Variants in MAEL observed in about 807,000 individuals in gnomAD.
The protein encoded by MAEL is maelstrom spermatogenic transposon silencer, also known as protein maelstrom homolog.
MAEL carries 46 observed loss-of-function variants against 62.0 expected under a neutral mutation model. The observed-to-expected ratio is 0.74, with a 90% confidence interval of 0.59 to 0.95. The LOEUF (loss-of-function observed/expected upper bound fraction) is 0.95. Ranked by LOEUF, MAEL falls within the 40% of genes least tolerant of loss-of-function variation. The pLI is 0.00. For synonymous variants in MAEL, 172 were observed against 175.5 expected, an observed-to-expected ratio of 0.98 and a Z score of 0.16; for missense variants, 497 against 526.8, an observed-to-expected ratio of 0.94 and a Z score of 0.55.
chr1:167,011,254 G>T (rs1332608365), intron 8 of MAEL, among the ~76,000 whole-genome samples: 2 of 152,116 alleles, frequency 1.3e-5, no homozygotes, highest in African/African-American at 2.4e-5. Context: ...TGCTCCATTG[G>T]AAATTACAGT....
chr1:166,993,594 T>G (rs528451880), intron 4 of MAEL, among the ~76,000 whole-genome samples: 72 of 152,314 alleles, frequency 4.7e-4, no homozygotes, highest in African/African-American at 1.5e-3. Flanking sequence ...CACTTGTGAG[T>G]GTTGCTACTT....
chr1:166,988,271 GC>G (rs1416706121), upstream of MAEL, among the ~76,000 whole-genome samples: 2 of 149,274 alleles, frequency 1.3e-5, no homozygotes, highest in Non-Finnish European at 3.0e-5. Flanking sequence ...TCCTACTTGA[GC>G]CCAGGAGGTC....
chr1:166,988,537 A>G (rs1164288116), upstream of MAEL, among the ~76,000 whole-genome samples: 3 of 152,252 alleles, frequency 2.0e-5, no homozygotes, highest in African/African-American at 4.8e-5. Context: ...TAGAAAACCG[A>G]GAGAACCAAC....
chr1:166,989,191 G>A (rs1201095662), upstream of MAEL: 1 of 964,754 alleles, frequency 1.0e-6, no homozygotes, highest in Non-Finnish European at 1.5e-6. Context: ...GTCTCAGGCT[G>A]TTTGTTCCCC....
chr1:166,994,588 C>T (rs184631848), intron 5 of MAEL, among the ~76,000 whole-genome samples: 4 of 151,460 alleles, frequency 2.6e-5, no homozygotes, highest in South Asian at 4.2e-4. Flanking sequence ...GAATGAAAAT[C>T]GGAATAGGTT....
At chr1:167,001,925 G>T (rs566711932) in intron 5 of MAEL, among the ~76,000 whole-genome samples, 5 of 152,260 alleles carry the variant, frequency 3.3e-5, no homozygotes, top group Admixed American at 6.5e-5. Context: ...GGAATTATAG[G>T]TGCACGTCAC....
chr1:166,980,785 A>G lies in MAEL; in HGVS notation c.-121+5119A>G, dbSNP rs146536844. On this transcript the variant is annotated intron_variant, in intron 1 of 12. Transcript: ENST00000622874. ...AGATGAGCAGCAGAGCAATTCTTAT[A>G]CTAGTGGTCAAGCAGCTTCCTACAG... 9.2e-3 allele frequency among the ~76,000 whole-genome samples: 1,402 copies of G among 152,262 alleles called. 19 individuals carry two copies. The highest frequency in any genetic ancestry group is 0.013 in the Non-Finnish European group (902 of 68,018).
At chr1:167,018,160 C>T (rs1665475611) in intron 10 of MAEL, among the ~76,000 whole-genome samples, 1 of 152,058 alleles carries the variant, frequency 6.6e-6, no homozygotes, top group Non-Finnish European at 1.5e-5. Flanking sequence ...GGTATATTTC[C>T]TACCAATTTA....
chr1:166,978,758 T>C (rs941578674), intron 1 of MAEL, among the ~76,000 whole-genome samples: 7 of 152,220 alleles, frequency 4.6e-5, no homozygotes, highest in African/African-American at 1.7e-4. Flanking sequence ...GCTCCAGTTG[T>C]TCATTCATTC....
At chr1:167,010,561 T>G (rs1408733979) in intron 8 of MAEL, among the ~76,000 whole-genome samples, 1 of 152,134 alleles carries the variant, frequency 6.6e-6, no homozygotes, top group Non-Finnish European at 1.5e-5. Context: ...TCCTCATGCC[T>G]CAGTCTCCTG....
chr1:166,992,758 G>A lies in MAEL; in HGVS notation c.398G>A (p.Arg133His), dbSNP rs113109340. The change falls in exon 4 of 12, where the codon CGC (arginine) becomes CAC (histidine). Residue 133 changes from arginine (R) to histidine (H), a missense_variant. Transcript: ENST00000367872. ...HGELPPHCEQ[R>H]FLPCEIGCVK... ...GAGCTACCTCCTCATTGTGAACAGCGCTTCCTCCCTTGTGAAATTGGCTGT... is the reference window on the plus strand; with the variant it reads ...GAGCTACCTCCTCATTGTGAACAGCACTTCCTCCCTTGTGAAATTGGCTGT... The A allele has an allele frequency of 4.5e-3, 7,239 of 1,611,256 alleles. 16 individuals carry two copies. Among genetic ancestry groups the A allele is most frequent in the Non-Finnish European group, 5.4e-3 (6,313 of 1,178,928 alleles).
At chr1:167,010,642 C>G (rs1665131645) in intron 8 of MAEL, among the ~76,000 whole-genome samples, 1 of 152,060 alleles carries the variant, frequency 6.6e-6, no homozygotes, top group Non-Finnish European at 1.5e-5. Context: ...GAGACAGAGT[C>G]TTGCTGTGTT....
chr1:167,003,084 T>C (rs909177714), intron 5 of MAEL, among the ~76,000 whole-genome samples: 42 of 152,168 alleles, frequency 2.8e-4, no homozygotes, highest in African/African-American at 9.9e-4. Context: ...AACTCCTGCA[T>C]CTCTTTGGGG....
intron 1 of MAEL, among the ~76,000 whole-genome samples, chr1:166,978,267 G>A (rs2102055108): frequency 6.6e-6 from 1 of 152,296 alleles, no homozygotes; most frequent in East Asian, 1.9e-4. Flanking sequence ...GAATCTTCCT[G>A]AGTGAGTGGC....
At chr1:166,992,908 T>C (rs2102072443) in intron 4 of MAEL, 67 bp downstream of exon 4, 1 of 1,293,590 alleles carries the variant, frequency 7.7e-7, no homozygotes, top group Non-Finnish European at 1.0e-6. Flanking sequence ...CTTGACTTTA[T>C]TTGATAATAG....
chr1:167,004,965 C>A, intron 6 of MAEL, 111 bp from the exon 7 acceptor site: 1 of 937,196 alleles, frequency 1.1e-6, no homozygotes, highest in Non-Finnish European at 1.6e-6. Flanking sequence ...TCTCCTGTGC[C>A]CCCTACCTCC....
chr1:167,007,824 T>C (rs1384707760), intron 8 of MAEL, among the ~76,000 whole-genome samples: 1 of 152,132 alleles, frequency 6.6e-6, no homozygotes, highest in Non-Finnish European at 1.5e-5. Context: ...AAAAAAGACA[T>C]ACAACTGTTT....
rs570139693 is a variant in MAEL, at chr1:167,013,838, A to C, written c.846-2384A>C. On this transcript the variant is annotated intron_variant, in intron 8 of 11. Coordinates refer to ENST00000367872, the MANE Select transcript of MAEL (RefSeq NM_032858.3). Reference sequence around the variant, plus strand: ...TTGGAGGCAAAATCCTAAATGCTAGAATATGAAAGGCTTTGCTCTAAGGTA... The same window carrying C: ...TTGGAGGCAAAATCCTAAATGCTAGCATATGAAAGGCTTTGCTCTAAGGTA... Among the ~76,000 whole-genome samples, 10 of 152,340 alleles carry C rather than the reference A, an allele frequency of 6.6e-5. No homozygotes were observed. The East Asian group carries it at 1.9e-3, about 29-fold the overall frequency.
upstream of MAEL, among the ~76,000 whole-genome samples, chr1:166,987,158 C>A (rs997075733): frequency 5.3e-5 from 8 of 152,196 alleles, no homozygotes; most frequent in African/African-American, 9.6e-5. Flanking sequence ...TTCTGACAAC[C>A]CAGAAGGTTC....
Sources: gnomAD v4.1 joint callset for allele counts (sites outside exome capture counted in the v4.1 genomes callset) on GRCh38, gnomAD v4.1.1 for gene constraint, MANE v1.5 for transcripts, NCBI Gene and HGNC (gene_info 2026-07-23, HGNC 2026-07-21) for gene names.